KANSL3: variants seen among roughly 807,000 people sequenced by gnomAD.
KANSL3 encodes NSL complex protein NSL3.
KANSL3 carries 16 observed loss-of-function variants against 89.2 expected under a neutral mutation model. The observed-to-expected ratio is 0.18, with a 90% CI of 0.12 to 0.27. The LOEUF is 0.27. Ranked by LOEUF, KANSL3 falls within the 10% of genes least tolerant of loss-of-function variation. The pLI, the probability that KANSL3 is intolerant of heterozygous loss-of-function variation, is 1.00. For synonymous variants in KANSL3, 385 were observed against 419.7 expected, an observed-to-expected ratio of 0.92 and a Z score of 1.01; for missense variants, 879 against 1,110.6, an observed-to-expected ratio of 0.79 and a Z score of 2.96.
downstream of KANSL3, among the ~76,000 whole-genome samples, chr2:96,592,347 TC>T (rs1369491688): frequency 1.3e-5 from 2 of 152,190 alleles, no homozygotes; most frequent in African/African-American, 2.4e-5. Context: ...ATTCATTCAT[TC>T]ATCTCTAAAT....
chr2:96,597,759 C>T (rs997276296), intron 20 of KANSL3, among the ~76,000 whole-genome samples: 2 of 152,084 alleles, frequency 1.3e-5, no homozygotes, highest in African/African-American at 4.8e-5. Context: ...CACGCCACCA[C>T]ATCCAGCTAA....
intron 3 of KANSL3, chr2:96,627,855 G>T: frequency 8.2e-7 from 1 of 1,214,314 alleles, no homozygotes; most frequent in Non-Finnish European, 1.1e-6. Context: ...TAAAATGGTG[G>T]TATCTGAAAC....
At chr2:96,632,393 T>C (rs1573643436) in intron 2 of KANSL3, among the ~76,000 whole-genome samples, 2 of 151,886 alleles carry the variant, frequency 1.3e-5, no homozygotes, top group African/African-American at 4.8e-5. Context: ...GCCCAGGAGG[T>C]TGAGGCTACA....
At chr2:96,590,843 G>A (rs779717250), downstream of KANSL3, among the ~76,000 whole-genome samples, 22 of 151,978 alleles carry the variant, frequency 1.4e-4, no homozygotes, top group East Asian at 3.9e-4. Flanking sequence ...AAAATTAGCC[G>A]GTCCTGGTGG....
At chr2:96,590,270 C>T (rs1477216108), downstream of KANSL3, among the ~76,000 whole-genome samples, 3 of 151,880 alleles carry the variant, frequency 2.0e-5, no homozygotes, top group Non-Finnish European at 2.9e-5. Context: ...AATAGTACAA[C>T]TACTCTGAAA....
intron 3 of KANSL3, 92 bp downstream of exon 3, chr2:96,631,220 C>T: frequency 1.1e-6 from 1 of 915,844 alleles, no homozygotes; most frequent in Non-Finnish European, 1.7e-6. Flanking sequence ...TGTGTTGCTG[C>T]AAATGAAATA....
intron 2 of KANSL3, chr2:96,634,124 G>GT (rs2073905631): frequency 6.6e-6 from 1 of 152,154 alleles, no homozygotes; most frequent in African/African-American, 2.4e-5. Flanking sequence ...GATTATCTAA[G>GT]ACAGATGACC....
the KANSL3 span, among the ~76,000 whole-genome samples, chr2:96,584,626 G>A: frequency 1.5e-4 from 23 of 152,284 alleles, no homozygotes; most frequent in African/African-American, 4.8e-4. Flanking sequence ...GTGAGAACAC[G>A]CAGTATTTTT....
At chr2:96,600,698 G>A in intron 20 of KANSL3, 1 of 985,380 alleles carries the variant, frequency 1.0e-6, no homozygotes, top group Admixed American at 6.1e-5. Flanking sequence ...ATCTTTGAGT[G>A]GCTCCTCAGA....
At chr2:96,610,481 A>C in intron 11 of KANSL3, 2 of 299,474 alleles carry the variant, frequency 6.7e-6, no homozygotes, top group East Asian at 1.3e-4. Flanking sequence ...AGGCCTGGCT[A>C]ATTTTTTGTA....
intron 3 of KANSL3, chr2:96,628,557 ACCC>A (rs1265421238): frequency 6.1e-6 from 1 of 164,404 alleles, no homozygotes. Context: ...TAAGGTTCCC[ACCC>A]GGGAGAATCA....
chr2:96,609,980 A>AAAAAT (rs2068635794), intron 11 of KANSL3, among the ~76,000 whole-genome samples: 2 of 147,528 alleles, frequency 1.4e-5, no homozygotes, highest in Non-Finnish European at 1.5e-5. Context: ...AAAAAAAAAA[A>AAAAAT]GCTCAAGGTC....
intron 6 of KANSL3, among the ~76,000 whole-genome samples, chr2:96,613,253 C>T (rs1172891880): frequency 6.6e-6 from 1 of 152,146 alleles, no homozygotes; most frequent in Non-Finnish European, 1.5e-5. Context: ...TGCCTGTAAT[C>T]TCAGCTCCTC....
intron 2 of KANSL3, 66 bp from the exon 3 acceptor site, chr2:96,631,548 T>C (rs1277608807): frequency 1.9e-6 from 3 of 1,540,740 alleles, no homozygotes; most frequent in Admixed American, 2.0e-5. Flanking sequence ...AATCATCTGG[T>C]TGACAAAAAA....
Position 96,619,425 on chromosome 2 carries a change from A to G in KANSL3, c.597T>C (p.Leu199=). 1 of 1,613,890 alleles carries G rather than the reference A, an allele frequency of 6.2e-7. No homozygotes were observed. Among genetic ancestry groups the G allele is most frequent in the Non-Finnish European group, 8.5e-7 (1 of 1,179,840 alleles). Reference sequence around the variant, plus strand: ...GCATGGGCAGACTCAAGGTCTCCACAAGGGTGGTGTGCAGCCACTGGATCA... The same window carrying G: ...GCATGGGCAGACTCAAGGTCTCCACGAGGGTGGTGTGCAGCCACTGGATCA... The part of the protein sequence containing the change: ...TKLIQWLHTT[L]VETLSLPMLA... Residue 199 remains leucine, a synonymous_variant, in exon 5 of 21, where the codon CTT becomes CTC. Coordinates refer to ENST00000431828, the MANE Select transcript of KANSL3 (RefSeq NM_001115016.3).
intron 4 of KANSL3, 46 bp downstream of exon 4, chr2:96,619,626 C>G (rs2070867670): frequency 6.3e-7 from 1 of 1,598,014 alleles, no homozygotes; most frequent in Middle Eastern, 1.7e-4. Context: ...GCCAGTGAGG[C>G]CTGAACTACG....
intron 2 of KANSL3, among the ~76,000 whole-genome samples, chr2:96,632,306 C>T (rs1204144010): frequency 6.6e-6 from 1 of 151,866 alleles, no homozygotes; most frequent in Non-Finnish European, 1.5e-5. Flanking sequence ...GTCTCTAAAA[C>T]AAACACAAAA....
chr2:96,608,371 G>T, intron 14 of KANSL3, 137 bp downstream of exon 14: 1 of 779,356 alleles, frequency 1.3e-6, no homozygotes, highest in Non-Finnish European at 2.0e-6. Flanking sequence ...TTTGAATTTT[G>T]CCTGCACAGA....
At chr2:96,592,521 AG>A (rs1349333754), downstream of KANSL3, among the ~76,000 whole-genome samples, 7 of 152,132 alleles carry the variant, frequency 4.6e-5, no homozygotes, top group Admixed American at 4.6e-4. Flanking sequence ...TAAACTGAAA[AG>A]GTCACGTGCA....
Sources: gnomAD v4.1 joint callset for allele counts (sites outside exome capture counted in the v4.1 genomes callset) on GRCh38, gnomAD v4.1.1 for gene constraint, MANE v1.5 for transcripts, NCBI Gene and HGNC (gene_info 2026-07-23, HGNC 2026-07-21) for gene names.